Variants in ACACA observed in about 807,000 individuals in gnomAD.
ACACA encodes acetyl-CoA carboxylase alpha.
ACACA carries 103 observed loss-of-function variants against 296.1 expected under a neutral mutation model. That is an observed-to-expected ratio of 0.35 (90% CI 0.30 to 0.41). The LOEUF is 0.41. Ranked by LOEUF, ACACA falls within the 10% of genes least tolerant of loss-of-function variation. ACACA has a pLI of 1.00. For synonymous variants in ACACA, 953 were observed against 1,038.6 expected (o/e 0.92, Z 1.58); for missense variants, 1,554 against 2,989.7 (o/e 0.52, Z 11.20).
At chr17:37,388,809 G>A in intron 1 of ACACA, 1 of 1,612,480 alleles carries the variant, frequency 6.2e-7, no homozygotes, top group South Asian at 1.1e-5. Flanking sequence ...GTTTGCTGTT[G>A]TATTGAATCC....
chr17:37,215,618 A>C (rs574234478), intron 29 of ACACA, among the ~76,000 whole-genome samples: 11 of 152,334 alleles, frequency 7.2e-5, no homozygotes, highest in Non-Finnish European at 1.5e-4. Context: ...TGAGGCACTT[A>C]ATATGCCCAA....
In ACACA at chr17:37,381,121, T is replaced by C. The variant is rs192367834; in HGVS notation, c.38+25141A>G. ...AAAACATAAATGGTAACATACCATA[T>C]ACACTGTTCTGCCCCTTGCTTTTGC... On this transcript the variant is annotated intron_variant, in intron 1 of 55. Transcript: ENST00000616317. Among the ~76,000 whole-genome samples the C allele has an allele frequency of 1.3e-3, 193 of 152,176 alleles. 2 individuals carry two copies. In the Middle Eastern group the frequency reaches 0.014, roughly 11 times the overall value.
chr17:37,187,248 C>A (rs980581733), intron 39 of ACACA, among the ~76,000 whole-genome samples: 1 of 152,214 alleles, frequency 6.6e-6, no homozygotes, highest in Non-Finnish European at 1.5e-5. Context: ...ATTCTGACTA[C>A]TGTCCAAACT....
chr17:37,182,434 T>C (rs1053005583), intron 39 of ACACA, among the ~76,000 whole-genome samples: 2 of 152,180 alleles, frequency 1.3e-5, no homozygotes, highest in African/African-American at 4.8e-5. Context: ...ACCTATATTG[T>C]CACATAATGA....
intron 3 of ACACA, among the ~76,000 whole-genome samples, chr17:37,291,137 A>AACACACACACACACAC (rs1487554527): frequency 7.4e-5 from 6 of 81,186 alleles, no homozygotes; most frequent in African/African-American, 1.5e-4. Context: ...GCTGATGAAA[A>AACACACACACACACAC]ACACATACAC....
chr17:37,269,853 G>A (rs117683008), intron 10 of ACACA, among the ~76,000 whole-genome samples: 3,951 of 151,636 alleles, frequency 0.026, 73 homozygotes, highest in Non-Finnish European at 0.039. Context: ...ATGAAAAAGA[G>A]GGAAGCTAGG....
At chr17:37,154,361 G>A (rs1033763622) in intron 43 of ACACA, among the ~76,000 whole-genome samples, 1 of 151,804 alleles carries the variant, frequency 6.6e-6, no homozygotes, top group Non-Finnish European at 1.5e-5. Flanking sequence ...TAATACTTGA[G>A]GAAAAATTAA....
intron 30 of ACACA, among the ~76,000 whole-genome samples, chr17:37,208,286 T>C (rs1180331215): frequency 6.6e-6 from 1 of 152,186 alleles, no homozygotes; most frequent in Non-Finnish European, 1.5e-5. Flanking sequence ...TATATATATG[T>C]ATGTAAAACA....
chr17:37,187,962 A>G (rs1477643041), intron 39 of ACACA, among the ~76,000 whole-genome samples: 1 of 152,204 alleles, frequency 6.6e-6, no homozygotes, highest in Non-Finnish European at 1.5e-5. Context: ...GATTGCTGAA[A>G]TAACCCACGA....
chr17:37,210,520 G>A, intron 29 of ACACA, 30 bp from the exon 30 acceptor site: 1 of 1,604,232 alleles, frequency 6.2e-7, no homozygotes, highest in Non-Finnish European at 8.5e-7. Flanking sequence ...GTTAGTTACT[G>A]ATAAGTTAGT....
intron 1 of ACACA, among the ~76,000 whole-genome samples, chr17:37,380,773 T>C (rs1199216189): frequency 6.6e-6 from 1 of 152,060 alleles, no homozygotes; most frequent in Non-Finnish European, 1.5e-5. Flanking sequence ...AATTTTTGTA[T>C]TTTTAGTAGA....
chr17:37,092,308 C>T (rs2072700901), intron 54 of ACACA, among the ~76,000 whole-genome samples: 1 of 151,506 alleles, frequency 6.6e-6, no homozygotes, highest in African/African-American at 2.4e-5. Flanking sequence ...GCCAGTCATT[C>T]CTAGTATTCC....
chr17:37,296,131 T>G (rs906177257), intron 3 of ACACA, among the ~76,000 whole-genome samples: 1 of 151,976 alleles, frequency 6.6e-6, no homozygotes, highest in East Asian at 1.9e-4. Flanking sequence ...ATTTATTCAG[T>G]GTATATCCTA....
chr17:37,095,156 A>T (rs1055622163), intron 54 of ACACA, among the ~76,000 whole-genome samples: 2 of 152,234 alleles, frequency 1.3e-5, no homozygotes, highest in African/African-American at 4.8e-5. Flanking sequence ...CTAATGTGGT[A>T]GGGAGGCAGT....
In ACACA at chr17:37,192,276, C is replaced by A. The variant is rs142273939; in HGVS notation, c.4230G>T (p.Leu1410=). The change falls in exon 37 of 56, where the codon CTG becomes CTT. Residue 1410 remains leucine, a synonymous_variant. Coordinates refer to ENST00000616317, the MANE Select transcript of ACACA (RefSeq NM_198834.3). The stretch of plus-strand genomic sequence containing the variant: ...CTAACTGGAAAGCCAGAGCAGGCTC[C>A]AGATGACGATAGATACGATCCTCCT... ...KFEEDRIYRH[L]EPALAFQLEL... 7 of 1,613,878 alleles carry A rather than the reference C, an allele frequency of 4.3e-6. No individual in the cohort carries two copies. Among genetic ancestry groups the A allele is most frequent in the Non-Finnish European group, 5.9e-6 (7 of 1,180,024 alleles).
chr17:37,087,345 G>A lies in ACACA; in HGVS notation c.7123C>T (p.Leu2375Phe). The A allele has an allele frequency of 1.9e-6, 3 of 1,614,186 alleles. No individual in the cohort carries two copies. Among genetic ancestry groups the A allele is most frequent in the Non-Finnish European group, 2.5e-6 (3 of 1,180,036 alleles). Residue 2375 changes from leucine to phenylalanine, a missense_variant, in exon 56 of 56, where the codon CTC becomes TTC. Physicochemically the swap from Leu to Phe is conservative, Grantham distance 22 (BLOSUM62 0). Transcript: ENST00000616317. ...PTQRAEVIRI[L>F]STMDSPST ...GTGGAAGGGGAATCCATTGTGGAGA[G>A]GATCCGTATGACTTCTGCTCGCTGA...
At chr17:37,200,013 T>C (rs924873642) in intron 35 of ACACA, 126 bp downstream of exon 35, 6 of 743,648 alleles carry the variant, frequency 8.1e-6, no homozygotes, top group Non-Finnish European at 1.3e-5. Context: ...ATATTTATTA[T>C]AATAATTTCT....
intron 50 of ACACA, among the ~76,000 whole-genome samples, chr17:37,118,251 G>C (rs958336127): frequency 6.6e-6 from 1 of 152,140 alleles, no homozygotes; most frequent in Non-Finnish European, 1.5e-5. Context: ...TTCAGACCAA[G>C]GGCAGCAGGG....
chr17:37,146,391 T>C (rs1047751100), intron 45 of ACACA, among the ~76,000 whole-genome samples: 3 of 151,112 alleles, frequency 2.0e-5, no homozygotes, highest in Non-Finnish European at 2.9e-5. Flanking sequence ...AGTGTCAACC[T>C]TTTCTCTTCA....
Sources: allele counts gnomAD v4.1 joint callset (sites outside exome capture counted in the v4.1 genomes callset), GRCh38; gene constraint gnomAD v4.1.1; transcripts MANE v1.5; gene names NCBI Gene and HGNC (gene_info 2026-07-23, HGNC 2026-07-21).